Variants in ATP2B1 observed in about 807,000 individuals in gnomAD.
ATP2B1 encodes plasma membrane calcium-transporting ATPase 1.
Under a neutral mutation model 124.2 loss-of-function variants are expected in ATP2B1, and 14 were observed. That is an observed-to-expected ratio of 0.11 (90% CI 0.07 to 0.18). ATP2B1 has a LOEUF of 0.18. Among genes scored for constraint, ATP2B1 ranks in the 10% least tolerant of loss-of-function variants. ATP2B1 has a pLI of 1.00. For synonymous variants in ATP2B1, 449 were observed against 492.4 expected (o/e 0.91, Z 1.17); for missense variants, 763 against 1,466.1 (o/e 0.52, Z 7.83).
intron 12 of ATP2B1, among the ~76,000 whole-genome samples, chr12:89,615,886 G>A (rs1396145765): frequency 1.3e-5 from 2 of 151,982 alleles, no homozygotes; most frequent in South Asian, 2.1e-4. Context: ...ATACATTTTT[G>A]ATTCTTAAAA....
intron 5 of ATP2B1, 112 bp downstream of exon 5, chr12:89,634,666 T>C: frequency 8.3e-7 from 1 of 1,208,078 alleles, no homozygotes. Flanking sequence ...GAAGGTAGCA[T>C]AAAATACAGA....
intron 2 of ATP2B1, among the ~76,000 whole-genome samples, chr12:89,646,204 A>G (rs1240416538): frequency 6.6e-6 from 1 of 151,798 alleles, no homozygotes; most frequent in Non-Finnish European, 1.5e-5. Context: ...GGGAGGGAGG[A>G]GTTAATGGTT....
chr12:89,645,359 A>G (rs1232895961), intron 2 of ATP2B1, among the ~76,000 whole-genome samples: 1 of 152,210 alleles, frequency 6.6e-6, no homozygotes, highest in Non-Finnish European at 1.5e-5. Flanking sequence ...TTCCCAATAC[A>G]TATTTACTGA....
intron 19 of ATP2B1, among the ~76,000 whole-genome samples, chr12:89,601,091 TTAAAAAAACACA>T (rs1875741138): frequency 6.6e-6 from 1 of 151,978 alleles, no homozygotes; most frequent in African/African-American, 2.4e-5. Context: ...AAAAAACAAG[TTAAAAAAACACA>T]TAAAAAGTTA....
intron 10 of ATP2B1, 45 bp from the exon 11 acceptor site, chr12:89,620,285 G>A: frequency 1.3e-6 from 2 of 1,594,810 alleles, no homozygotes; most frequent in East Asian, 2.2e-5. Context: ...GTTTCTCTAA[G>A]AACGTTTAAT....
intron 1 of ATP2B1, among the ~76,000 whole-genome samples, chr12:89,656,383 T>C (rs1367652674): frequency 1.3e-5 from 2 of 152,236 alleles, no homozygotes; most frequent in Non-Finnish European, 2.9e-5. Context: ...GTATTACTGT[T>C]ATTGTTCCAA....
chr12:89,638,050 T>C (rs1306954394), intron 3 of ATP2B1, among the ~76,000 whole-genome samples: 1 of 24,932 alleles, frequency 4.0e-5, no homozygotes, highest in African/African-American at 7.6e-5. Context: ...GTACAAAATA[T>C]AAATCCTTTC....
At chr12:89,613,101 T>C (rs1208994110) in intron 12 of ATP2B1, among the ~76,000 whole-genome samples, 1 of 151,920 alleles carries the variant, frequency 6.6e-6, no homozygotes, top group Non-Finnish European at 1.5e-5. Context: ...CACCTCAGCC[T>C]CCTGAGTAGC....
At chr12:89,618,494 TCTATCTA>T in intron 11 of ATP2B1, among the ~76,000 whole-genome samples, 1 of 152,218 alleles carries the variant, frequency 6.6e-6, no homozygotes, top group South Asian at 2.1e-4. Flanking sequence ...TCCTAAACCA[TCTATCTA>T]CTACCCAGCA....
chr12:89,665,779 A>G (rs1344429835), intron 1 of ATP2B1, among the ~76,000 whole-genome samples: 1 of 152,224 alleles, frequency 6.6e-6, no homozygotes, highest in Non-Finnish European at 1.5e-5. Flanking sequence ...CGGCCTACTC[A>G]GTTCTTAAGA....
intron 5 of ATP2B1, 113 bp from the exon 6 acceptor site, chr12:89,630,758 T>TATATATAAATATAA (rs971646748): frequency 8.1e-6 from 1 of 123,352 alleles, no homozygotes; most frequent in Non-Finnish European, 1.5e-5. Context: ...TAGGAAAAAA[T>TATATATAAATATAA]ATATATAAAT....
intron 1 of ATP2B1, among the ~76,000 whole-genome samples, chr12:89,708,334 C>T (rs1348283936): frequency 6.6e-6 from 1 of 152,170 alleles, no homozygotes; most frequent in Non-Finnish European, 1.5e-5. Context: ...TCCCTCGGGC[C>T]CGGAGCAGCG....
intron 1 of ATP2B1, among the ~76,000 whole-genome samples, chr12:89,689,933 T>C (rs1890368090): frequency 1.3e-5 from 2 of 152,176 alleles, no homozygotes; most frequent in South Asian, 4.1e-4. Context: ...GAATTCCTAC[T>C]AATCCTAACA....
At chr12:89,618,051 G>GT (rs535974714) in intron 11 of ATP2B1, among the ~76,000 whole-genome samples, 107 of 151,854 alleles carry the variant, frequency 7.0e-4, no homozygotes, top group African/African-American at 2.5e-3. Flanking sequence ...TACAGCTATT[G>GT]TAATAGCAAT....
At chr12:89,605,153 G>A (rs1175075298) in intron 15 of ATP2B1, among the ~76,000 whole-genome samples, 1 of 152,126 alleles carries the variant, frequency 6.6e-6, no homozygotes, top group African/African-American at 2.4e-5. Flanking sequence ...CAGGCAAAAG[G>A]AATAATCTTC....
chr12:89,615,203 T>G (rs951390998), intron 12 of ATP2B1, among the ~76,000 whole-genome samples: 2 of 152,226 alleles, frequency 1.3e-5, no homozygotes, highest in Non-Finnish European at 2.9e-5. Context: ...AGACCCACTA[T>G]GAACCATCAG....
At chr12:89,650,998 G>A (rs1885174827) in intron 2 of ATP2B1, among the ~76,000 whole-genome samples, 1 of 152,156 alleles carries the variant, frequency 6.6e-6, no homozygotes, top group South Asian at 2.1e-4. Context: ...TGGATTCTGA[G>A]GACTGTAAGA....
At chr12:89,597,090 A>G (rs1325843190) in intron 20 of ATP2B1, among the ~76,000 whole-genome samples, 2 of 152,096 alleles carry the variant, frequency 1.3e-5, no homozygotes, top group Non-Finnish European at 2.9e-5. Flanking sequence ...ACTAGGCTGC[A>G]GGTTCTGGAG....
chr12:89,645,185 T>C (rs1478056982), intron 2 of ATP2B1, among the ~76,000 whole-genome samples: 2 of 152,180 alleles, frequency 1.3e-5, no homozygotes, highest in Non-Finnish European at 2.9e-5. Flanking sequence ...ACACAGTTCA[T>C]AAATCATAAA....
Sources: gnomAD v4.1 joint callset for allele counts (sites outside exome capture counted in the v4.1 genomes callset) on GRCh38, gnomAD v4.1.1 for gene constraint, MANE v1.5 for transcripts, NCBI Gene and HGNC (gene_info 2026-07-23, HGNC 2026-07-21) for gene names.